Variants in TYW5 observed in about 807,000 individuals in gnomAD.
The protein encoded by TYW5 is tRNA-yW synthesizing protein 5, also known as tRNA wybutosine-synthesizing protein 5.
A neutral mutation model predicts 44.4 loss-of-function variants in TYW5; 36 were observed. The ratio of observed to expected loss-of-function variants is 0.81; its 90% confidence interval spans 0.62 to 1.07. The LOEUF (loss-of-function observed/expected upper bound fraction) is 1.07. TYW5 is among the 50% of genes least tolerant of loss of function. The pLI is 0.00. For missense variants in TYW5, 354 were observed against 365.7 expected (o/e 0.97, Z 0.26); for synonymous variants, 121 against 128.1 (o/e 0.94, Z 0.37).
At chr2:199,942,071 CTT>C (rs112042654) in intron 3 of TYW5, 8 of 144,772 alleles carry the variant, frequency 5.5e-5, no homozygotes, top group Admixed American at 6.9e-5. Flanking sequence ...TTTTTCTTTT[CTT>C]TTTTTTTTTT....
chr2:199,944,968 T>C (rs540673455), intron 2 of TYW5: 1 of 152,296 alleles, frequency 6.6e-6, no homozygotes, highest in East Asian at 1.9e-4. Context: ...GGTAACACTG[T>C]TTATCATAAA....
At chr2:199,947,056 T>C (rs903142934) in intron 2 of TYW5, 1 of 152,204 alleles carries the variant, frequency 6.6e-6, no homozygotes, top group Non-Finnish European at 1.5e-5. Flanking sequence ...AATGAAAAGT[T>C]CCTACACTTG....
rs1559297428 is a variant in TYW5 at position 199,929,747 on chromosome 2, TA to T, written c.*3319del. 6.6e-6 allele frequency among the ~76,000 whole-genome samples: 1 copy of T among 152,066 alleles called. No individual in the cohort carries two copies. Among genetic ancestry groups the T allele is most frequent in the Non-Finnish European group, 1.5e-5 (1 of 68,002 alleles). The stretch of plus-strand genomic sequence containing the variant: ...TATTTTATCAAAGTGAGTTAGAAAT[TA>T]ATTACAGGACAAATAGAATTCTAAT... On this transcript the variant is annotated 3_prime_UTR_variant, in exon 8 of 8. Transcript: ENST00000354611.
intron 3 of TYW5, 28 bp downstream of exon 3, chr2:199,943,737 T>G (rs371529176): frequency 6.3e-7 from 1 of 1,577,818 alleles, no homozygotes; most frequent in Non-Finnish European, 8.6e-7. Context: ...TATTAATGCC[T>G]TCTTTTAAAA....
intron 7 of TYW5, 66 bp from the exon 8 acceptor site, chr2:199,933,389 G>C (rs1176637647): frequency 3.6e-6 from 5 of 1,406,078 alleles, no homozygotes; most frequent in African/African-American, 2.9e-5. Context: ...CAAAATGTCA[G>C]TGAAATATCA....
chr2:199,948,633 A>G (rs2077521155), intron 1 of TYW5, among the ~76,000 whole-genome samples, 161 bp from the exon 2 acceptor site: 2 of 152,240 alleles, frequency 1.3e-5, no homozygotes, highest in South Asian at 4.1e-4. Flanking sequence ...CTAAAACAAG[A>G]AGAGGGGCCA....
chr2:199,934,348 T>A (rs1486062696), intron 7 of TYW5, among the ~76,000 whole-genome samples: 6 of 146,112 alleles, frequency 4.1e-5, no homozygotes, highest in African/African-American at 5.1e-5. Context: ...ATGTTCAGTA[T>A]TTTTTTTTTT....
rs1257997199 is a variant in TYW5, at chr2:199,929,041, A to G, written c.*4026T>C. 6.6e-6 allele frequency among the ~76,000 whole-genome samples: 1 copy of G among 152,228 alleles called. No homozygotes were observed. Among genetic ancestry groups the G allele is most frequent in the Non-Finnish European group, 1.5e-5 (1 of 68,036 alleles). The stretch of plus-strand genomic sequence containing the variant: ...GAAAAACATAAGAGGAGATATAGAC[A>G]GACCTCATCTGTAAACTCATGTTGC... On this transcript the variant is annotated 3_prime_UTR_variant, in exon 8 of 8. Transcript: ENST00000354611.
At position 199,931,632 on chromosome 2, in the gene TYW5, T is replaced by C. The variant is rs564602424; in HGVS notation, c.*1435A>G. The stretch of plus-strand genomic sequence containing the variant: ...TTCACCTTTATTCACCTGAGTAACT[T>C]ACCTGTTTCCAAAGACACCTAGGAA... On this transcript the variant is annotated 3_prime_UTR_variant, in exon 8 of 8. Transcript: ENST00000354611. 1.1e-4 allele frequency: 17 copies of C among 152,288 alleles called. No homozygotes were observed. Among genetic ancestry groups the C allele is most frequent in the African/African-American group, 3.6e-4 (15 of 41,580 alleles). The allele number at this position is 152,288 out of a possible 1,614,324, so 9.4% of individuals were successfully genotyped here.
At position 199,955,446 on chromosome 2, in the gene TYW5, G is replaced by A; in HGVS notation, c.25C>T (p.Pro9Ser). 1 of 1,613,880 alleles carries A rather than the reference G, an allele frequency of 6.2e-7. No homozygotes were observed. Among genetic ancestry groups the A allele is most frequent in the Non-Finnish European group, 8.5e-7 (1 of 1,179,964 alleles). Residue 9 changes from proline (P) to serine (S), a missense_variant, in exon 1 of 8, where the codon CCC becomes TCC. Transcript: ENST00000354611. Reference protein sequence around the residue: MAGQHLPVPRLEGVSREQF... With the variant: MAGQHLPVSRLEGVSREQF... ...TCCCGAGAAACGCCCTCCAGCCGGGGTACCGGGAGGTGCTGCCCGGCCATG... is the reference window on the plus strand; with the variant it reads ...TCCCGAGAAACGCCCTCCAGCCGGGATACCGGGAGGTGCTGCCCGGCCATG...
rs1485522262 is a variant in TYW5 at position 199,931,836 on chromosome 2, C to T, written c.*1231G>A. The T allele has an allele frequency of 6.6e-6, 1 of 152,100 alleles. No individual in the cohort carries two copies. The highest frequency in any genetic ancestry group is 1.5e-5 in the Non-Finnish European group (1 of 68,016). The allele number at this position is 152,100 out of a possible 1,614,324, so 9.4% of individuals were successfully genotyped here. Reference sequence around the variant, plus strand: ...GTGAAGATTATGTGGTCTTCAATGACACTGCAATATAATTACTAGGTACAA... The same window carrying T: ...GTGAAGATTATGTGGTCTTCAATGATACTGCAATATAATTACTAGGTACAA... On this transcript the variant is annotated 3_prime_UTR_variant, in exon 8 of 8. Coordinates refer to ENST00000354611, the MANE Select transcript of TYW5 (RefSeq NM_001039693.3).
chr2:199,944,544 C>T (rs1293753337), intron 2 of TYW5: 2 of 152,228 alleles, frequency 1.3e-5, no homozygotes, highest in South Asian at 2.1e-4. Context: ...GAAGGATATT[C>T]TTACTCCAGA....
At chr2:199,934,101 T>C (rs1221921532) in intron 7 of TYW5, among the ~76,000 whole-genome samples, 2 of 152,078 alleles carry the variant, frequency 1.3e-5, no homozygotes, top group Non-Finnish European at 2.9e-5. Flanking sequence ...ACCCTTTTAA[T>C]CCTGTGAAAG....
intron 3 of TYW5, among the ~76,000 whole-genome samples, chr2:199,941,059 T>A (rs2077460216): frequency 6.6e-6 from 1 of 152,214 alleles, no homozygotes; most frequent in Non-Finnish European, 1.5e-5. Context: ...TTAAATTTTT[T>A]AAATTAATTA....
At chr2:199,935,001 T>C (rs935309213) in intron 7 of TYW5, among the ~76,000 whole-genome samples, 1 of 151,992 alleles carries the variant, frequency 6.6e-6, no homozygotes, top group Admixed American at 6.5e-5. Context: ...TGAAAGATAC[T>C]TATCATTTTT....
chr2:199,936,967 A>G (rs2105693552), intron 5 of TYW5, among the ~76,000 whole-genome samples: 1 of 152,292 alleles, frequency 6.6e-6, no homozygotes, highest in East Asian at 1.9e-4. Flanking sequence ...TGATTTTCAA[A>G]TTATTTCTAT....
intron 2 of TYW5, chr2:199,944,170 G>C (rs927656393): frequency 3.3e-5 from 6 of 179,328 alleles, no homozygotes; most frequent in African/African-American, 1.4e-4. Context: ...AGACTTTCAG[G>C]TTCTGATTGC....
rs2077361105 is a variant in TYW5 at position 199,929,891 on chromosome 2, C to T, written c.*3176G>A. ...CAGACTGAACTTGAACTCCTGGCTTCAAGCACTCCTCCTGCCTCAGCCTCC... is the reference window on the plus strand; with the variant it reads ...CAGACTGAACTTGAACTCCTGGCTTTAAGCACTCCTCCTGCCTCAGCCTCC... On this transcript the variant is annotated 3_prime_UTR_variant, in exon 8 of 8. Transcript: ENST00000354611. 6.6e-6 allele frequency: 1 copy of T among 151,462 alleles called. No homozygotes were observed. Among genetic ancestry groups the T allele is most frequent in the African/African-American group, 2.4e-5 (1 of 41,172 alleles). The allele number at this position is 151,462 out of a possible 1,614,324, so 9.4% of individuals were successfully genotyped here. A position where few individuals can be genotyped will look rare whatever the true frequency, so the allele number is the denominator to read the frequency against.
Position 199,929,169 on chromosome 2 carries a change from TAGAAAG to T in TYW5, c.*3892_*3897del, listed in dbSNP as rs941538217. ...TTTTAGTATTCTGTTTAATGGAACT[TAGAAAG>T]AGACTACATCGTGGGGTTGGGGGAG... On this transcript the variant is annotated 3_prime_UTR_variant, in exon 8 of 8. Transcript: ENST00000354611. Among the ~76,000 whole-genome samples, 97 of 144,416 alleles carry T rather than the reference TAGAAAG, an allele frequency of 6.7e-4. No homozygotes were observed. The highest frequency in any genetic ancestry group is 2.0e-3 in the African/African-American group (77 of 39,278). The allele number at this position is 144,416 out of a possible 152,430, so 94.7% of individuals were successfully genotyped here. A position where few individuals can be genotyped will look rare whatever the true frequency, so the allele number is the denominator to read the frequency against.
Sources: gnomAD v4.1 joint callset for allele counts (sites outside exome capture counted in the v4.1 genomes callset) on GRCh38, gnomAD v4.1.1 for gene constraint, MANE v1.5 for transcripts, NCBI Gene and HGNC (gene_info 2026-07-23, HGNC 2026-07-21) for gene names.